Variants in ZBTB32 observed in about 807,000 individuals in gnomAD.
ZBTB32 encodes the protein zinc finger and BTB domain-containing protein 32.
A neutral mutation model predicts 45.3 loss-of-function variants in ZBTB32; 28 were observed. That is an observed-to-expected ratio of 0.62 (90% CI 0.46 to 0.85). ZBTB32 has a LOEUF of 0.85. ZBTB32 is among the 40% of genes least tolerant of loss of function. The pLI is 0.00. For synonymous variants in ZBTB32, 283 were observed against 255.7 expected (o/e 1.11, Z -1.02); for missense variants, 587 against 624.4 (o/e 0.94, Z 0.64).
Position 35,716,500 on chromosome 19 carries a change from C to A in ZBTB32, c.1212C>A (p.Ser404Arg). Residue 404 changes from serine (S) to arginine (R), a missense_variant, in exon 7 of 7, where the codon AGC (serine) becomes AGA (arginine). Coordinates refer to ENST00000392197, the MANE Select transcript of ZBTB32 (RefSeq NM_014383.3). Reference sequence around the variant, plus strand: ...TAGGAGAGAAGCCCTTCTCCTGTAGCCTTTGTCCTCAGCGCTCCCGGGACT... The same window carrying A: ...TAGGAGAGAAGCCCTTCTCCTGTAGACTTTGTCCTCAGCGCTCCCGGGACT... ...VHTGEKPFSC[S>R]LCPQRSRDFS... 1 of 1,609,902 alleles carries A rather than the reference C, an allele frequency of 6.2e-7. No homozygotes were observed. Among genetic ancestry groups the A allele is most frequent in the Non-Finnish European group, 8.5e-7 (1 of 1,177,318 alleles).
chr19:35,707,901 G>C (rs935756623), intron 1 of ZBTB32, among the ~76,000 whole-genome samples: 2 of 152,054 alleles, frequency 1.3e-5, no homozygotes, highest in Non-Finnish European at 1.5e-5. Context: ...AGAATCTCTT[G>C]AACCTGGGAG....
intron 1 of ZBTB32, among the ~76,000 whole-genome samples, chr19:35,706,215 C>T (rs1056575757): frequency 7.4e-6 from 1 of 135,322 alleles, no homozygotes; most frequent in Non-Finnish European, 1.5e-5. Flanking sequence ...GCAACAAGAG[C>T]GAAACTCCAT....
At chr19:35,713,797 G>A (rs538102724) in intron 2 of ZBTB32, among the ~76,000 whole-genome samples, 1 of 152,354 alleles carries the variant, frequency 6.6e-6, no homozygotes, top group South Asian at 2.1e-4. Context: ...CAAATCTTGA[G>A]AGGAAACAGC....
intron 3 of ZBTB32, 77 bp downstream of exon 3, chr19:35,715,584 G>A (rs1185422732): frequency 2.7e-6 from 4 of 1,495,302 alleles, no homozygotes; most frequent in Non-Finnish European, 3.6e-6. Flanking sequence ...CTGGGTGGAA[G>A]GGCACTGCAT....
At chr19:35,716,367 T>G in intron 6 of ZBTB32, 70 bp downstream of exon 6, 1 of 1,598,440 alleles carries the variant, frequency 6.3e-7, no homozygotes, top group Admixed American at 1.7e-5. Flanking sequence ...TCCACCTGTG[T>G]GCCCGGTTCC....
Position 35,714,611 on chromosome 19 carries a change from C to T in ZBTB32, c.-16C>T, listed in dbSNP as rs751893928. On this transcript the variant is annotated 5_prime_UTR_variant, in exon 3 of 7. Transcript: ENST00000392197. ...CCTCTTAGAGCCTCTGAGTTAGGTA[C>T]CCAAGCCAAGGCACAATGTCCCTGC... is the stretch of plus-strand genomic sequence containing the variant. The T allele has an allele frequency of 6.6e-7, 1 of 1,508,438 alleles. No individual in the cohort carries two copies. Among genetic ancestry groups the T allele is most frequent in the South Asian group, 1.3e-5 (1 of 74,968 alleles). 93.4% of individuals were successfully genotyped at this position (1,508,438 alleles called of 1,614,324 possible). A position where few individuals can be genotyped will look rare whatever the true frequency, so the allele number is the denominator to read the frequency against.
At chr19:35,705,047 T>A (rs1968504414) in intron 1 of ZBTB32, among the ~76,000 whole-genome samples, 1 of 152,186 alleles carries the variant, frequency 6.6e-6, no homozygotes, top group Admixed American at 6.5e-5. Context: ...GGCTCACGCC[T>A]GTAATCCCAG....
chr19:35,711,053 G>A (rs1301167322), intron 1 of ZBTB32, among the ~76,000 whole-genome samples: 1 of 152,200 alleles, frequency 6.6e-6, no homozygotes, highest in Non-Finnish European at 1.5e-5. Context: ...TTCCCCGAAA[G>A]CCCACTGATG....
intron 1 of ZBTB32, among the ~76,000 whole-genome samples, chr19:35,711,825 G>C (rs1056882810): frequency 2.0e-5 from 3 of 151,988 alleles, no homozygotes; most frequent in African/African-American, 4.8e-5. Flanking sequence ...AGGAATTCGA[G>C]ACCAGCCTGG....
chr19:35,714,731 A>C lies in ZBTB32; in HGVS notation c.105A>C (p.Val35=), dbSNP rs1279827929. 2 of 1,614,082 alleles carry C rather than the reference A, an allele frequency of 1.2e-6. No individual in the cohort carries two copies. Among genetic ancestry groups the C allele is most frequent in the Non-Finnish European group, 1.7e-6 (2 of 1,180,014 alleles). ...RPALCDTLIT[V]GSQEFPAHSL... ...CACTCTGTGATACTCTGATCACCGT[A>C]GGGAGCCAGGAGTTCCCCGCCCACA... is the stretch of plus-strand genomic sequence containing the variant. The change falls in exon 3 of 7, where the codon GTA becomes GTC. Residue 35 remains valine (V), a synonymous_variant. Transcript: ENST00000392197.
At position 35,706,228 on chromosome 19, in the gene ZBTB32, C is replaced by CAAAAAAAAAA. The variant is rs11331490; in HGVS notation, c.-222+1612_-222+1621dup. ...GGGCAACAAGAGCGAAACTCCATCTCAAAAAAAAAAAAAAAACTGGAATTG... is the reference window on the plus strand; with the variant it reads ...GGGCAACAAGAGCGAAACTCCATCTCAAAAAAAAAAAAAAAAAAAAAAAAAACTGGAATTG... On this transcript the variant is annotated intron_variant, in intron 1 of 6. Transcript: ENST00000392197. Among the ~76,000 whole-genome samples the CAAAAAAAAAA allele has an allele frequency of 2.3e-5, 3 of 130,732 alleles. No homozygotes were observed. The East Asian group carries it at 7.2e-4, about 31-fold the overall frequency. 85.8% of individuals were successfully genotyped at this position (130,732 alleles called of 152,430 possible). A position where few individuals can be genotyped will look rare whatever the true frequency, so the allele number is the denominator to read the frequency against.
In ZBTB32 at chr19:35,715,324, T is replaced by G; in HGVS notation, c.698T>G (p.Leu233Arg). 15 of 1,593,388 alleles carry G rather than the reference T, an allele frequency of 9.4e-6. No homozygotes were observed. The highest frequency in any genetic ancestry group is 1.3e-5 in the Non-Finnish European group (15 of 1,171,532). ...EESLRKLPGP[L>R]PPAGSLQTSV... ...AGTCTGCGCAAGCTCCCTGGCCCCCTTCCCCCAGCAGGCTCCCTGCAAACC... is the reference window on the plus strand; with the variant it reads ...AGTCTGCGCAAGCTCCCTGGCCCCCGTCCCCCAGCAGGCTCCCTGCAAACC... Residue 233 changes from leucine (L) to arginine (R), a missense_variant, in exon 3 of 7, where the codon CTT (leucine) becomes CGT (arginine). By Grantham distance (102) the Leu-to-Arg change is moderately radical (BLOSUM62 -2). Coordinates refer to ENST00000392197, the MANE Select transcript of ZBTB32 (RefSeq NM_014383.3).
In ZBTB32 at chr19:35,715,112, G is replaced by T; in HGVS notation, c.486G>T (p.Gln162His). The T allele has an allele frequency of 1.2e-6, 2 of 1,614,082 alleles. No individual in the cohort carries two copies. The highest frequency in any genetic ancestry group is 2.7e-5 in the African/African-American group (2 of 75,064). ...TTTCTAGAACTGGTGGGAGAGAACA[G>T]GAGATGTTGCACAAGCACTCGCCAC... Reference protein sequence around the residue: ...EQVSRTGGREQEMLHKHSPPR... With the variant: ...EQVSRTGGREHEMLHKHSPPR... Residue 162 changes from glutamine (Q) to histidine (H), a missense_variant, in exon 3 of 7, where the codon CAG (glutamine) becomes CAT (histidine). Coordinates refer to ENST00000392197, the MANE Select transcript of ZBTB32 (RefSeq NM_014383.3).
chr19:35,710,885 T>C (rs529523512), intron 1 of ZBTB32, among the ~76,000 whole-genome samples: 2 of 152,238 alleles, frequency 1.3e-5, no homozygotes, highest in South Asian at 4.1e-4. Flanking sequence ...GCTAGAGAAG[T>C]GCTCAGGGTG....
At chr19:35,709,578 A>T (rs1968633724) in intron 1 of ZBTB32, among the ~76,000 whole-genome samples, 1 of 152,132 alleles carries the variant, frequency 6.6e-6, no homozygotes, top group Non-Finnish European at 1.5e-5. Flanking sequence ...TACCAGTAAG[A>T]ATAAGAACTA....
chr19:35,714,474 G>A, intron 2 of ZBTB32, 49 bp from the exon 3 acceptor site: 4 of 772,872 alleles, frequency 5.2e-6, no homozygotes, highest in Non-Finnish European at 7.8e-6. Flanking sequence ...AGGACAGAGG[G>A]CTCTGATCTA....
At position 35,715,652 on chromosome 19, in the gene ZBTB32, G is replaced by A. The variant is rs1428774901; in HGVS notation, c.882-105G>A. 1.1e-5 allele frequency: 16 copies of A among 1,480,546 alleles called. No homozygotes were observed. In the Admixed American group the frequency reaches 1.5e-4, roughly 14 times the overall value. The allele number at this position is 1,480,546 out of a possible 1,614,324, so 91.7% of individuals were successfully genotyped here. On this transcript the variant is annotated intron_variant, in intron 3 of 6. Transcript: ENST00000392197. Reference sequence around the variant, plus strand: ...ACAAGAAGCTGCTGCCACAGGGCACGCCAAAGCCCAGCCCCCGGGGGAGGA... The same window carrying A: ...ACAAGAAGCTGCTGCCACAGGGCACACCAAAGCCCAGCCCCCGGGGGAGGA...
At chr19:35,710,330 C>T (rs1968654252) in intron 1 of ZBTB32, among the ~76,000 whole-genome samples, 1 of 152,222 alleles carries the variant, frequency 6.6e-6, no homozygotes, top group African/African-American at 2.4e-5. Context: ...CTGCTCTACC[C>T]TCTGGCAGGA....
chr19:35,705,951 AG>A lies in ZBTB32; in HGVS notation c.-222+1330del, dbSNP rs1197969199. 1.6e-3 allele frequency among the ~76,000 whole-genome samples: 239 copies of A among 149,744 alleles called. 2 individuals are homozygous for A. The highest frequency in any genetic ancestry group is 3.4e-3 in the South Asian group (16 of 4,710). On this transcript the variant is annotated intron_variant, in intron 1 of 6. Coordinates refer to ENST00000392197, the MANE Select transcript of ZBTB32 (RefSeq NM_014383.3). ...ATTAAAAAAAAAAAAAAGCAGGGCC[AG>A]GCGTGGGGGCTCACATCTATAATCC...
Sources: gnomAD v4.1 joint callset for allele counts (sites outside exome capture counted in the v4.1 genomes callset) on GRCh38, gnomAD v4.1.1 for gene constraint, MANE v1.5 for transcripts, NCBI Gene and HGNC (gene_info 2026-07-23, HGNC 2026-07-21) for gene names.